Variants in NPAS2 observed in about 807,000 individuals in gnomAD.
NPAS2 encodes the protein neuronal PAS domain protein 2.
Under a neutral mutation model 107.5 loss-of-function variants are expected in NPAS2, and 23 were observed. That is an observed-to-expected ratio of 0.21 (90% CI 0.15 to 0.30). The LOEUF is 0.30. Among genes scored for constraint, NPAS2 ranks in the 10% least tolerant of loss-of-function variants. The pLI, the probability that NPAS2 is intolerant of heterozygous loss-of-function variation, is 1.00. For synonymous variants in NPAS2, 403 were observed against 417.5 expected (o/e 0.97, Z 0.42); for missense variants, 756 against 1,043.3 (o/e 0.72, Z 3.79).
rs555047295 is a variant in NPAS2 at position 100,993,544 on chromosome 2, A to AG, written c.2292+22dup. On this transcript the variant is annotated intron_variant, in intron 20 of 20. Transcript: ENST00000335681. ...TACCTGCAGGTGGGTGCCACGGCCC[A>AG]GGGGGCCCCCGTGCAGGCCTGGGAG... 7,460 of 1,510,440 alleles carry AG rather than the reference A, an allele frequency of 4.9e-3. 22 individuals are homozygous for AG. The highest frequency in any genetic ancestry group is 6.1e-3 in the Non-Finnish European group (6,887 of 1,124,744). 93.6% of individuals were successfully genotyped at this position (1,510,440 alleles called of 1,614,324 possible). A position where few individuals can be genotyped will look rare whatever the true frequency, so the allele number is the denominator to read the frequency against.
chr2:100,882,382 G>T (rs938903133), intron 1 of NPAS2, among the ~76,000 whole-genome samples: 1 of 152,112 alleles, frequency 6.6e-6, no homozygotes, highest in Non-Finnish European at 1.5e-5. Context: ...GGCCAAGGTG[G>T]GCGGATCACA....
intron 12 of NPAS2, 95 bp downstream of exon 12, chr2:100,971,169 G>A (rs1676525408): frequency 8.4e-7 from 1 of 1,190,654 alleles, no homozygotes; most frequent in Non-Finnish European, 1.2e-6. Flanking sequence ...TTTCATCAAT[G>A]GAAGGGTACA....
chr2:100,954,138 C>A (rs1428978744), intron 7 of NPAS2, among the ~76,000 whole-genome samples: 2 of 152,152 alleles, frequency 1.3e-5, no homozygotes, highest in Non-Finnish European at 2.9e-5. Flanking sequence ...GAGGGAGGAG[C>A]TGTCCCTAAT....
chr2:100,900,441 C>CATGTTAGAATGGAGTACAA (rs905413684), intron 1 of NPAS2, among the ~76,000 whole-genome samples: 2 of 152,190 alleles, frequency 1.3e-5, no homozygotes, highest in African/African-American at 4.8e-5. Flanking sequence ...AATGGAGCCA[C>CATGTTAGAATGGAGTACAA]TGGAACTCCT....
chr2:100,908,527 G>C (rs898511171), intron 2 of NPAS2, among the ~76,000 whole-genome samples: 34 of 152,140 alleles, frequency 2.2e-4, no homozygotes, highest in Non-Finnish European at 4.4e-4. Context: ...GTAAATGGAA[G>C]CCGCTCCTTT....
intron 2 of NPAS2, among the ~76,000 whole-genome samples, chr2:100,917,737 C>T (rs934375819): frequency 5.3e-5 from 8 of 152,164 alleles, no homozygotes; most frequent in Admixed American, 3.9e-4. Flanking sequence ...TTAAAAACCA[C>T]GACTACCAAA....
chr2:100,868,114 C>A (rs997760163), intron 1 of NPAS2, among the ~76,000 whole-genome samples: 1 of 152,126 alleles, frequency 6.6e-6, no homozygotes, highest in Non-Finnish European at 1.5e-5. Flanking sequence ...TTTTGTCTTG[C>A]CTCTCAAAAT....
chr2:100,925,589 A>G (rs537264402), intron 3 of NPAS2, among the ~76,000 whole-genome samples: 1 of 152,206 alleles, frequency 6.6e-6, no homozygotes, highest in Non-Finnish European at 1.5e-5. Flanking sequence ...ATCTTGATCA[A>G]AAATCCCTGG....
chr2:100,890,746 T>C (rs745603123), intron 1 of NPAS2, among the ~76,000 whole-genome samples: 14 of 152,016 alleles, frequency 9.2e-5, no homozygotes, highest in Non-Finnish European at 1.6e-4. Context: ...ATCTAATACA[T>C]CATAAGAGAG....
chr2:100,965,514 A>G lies in NPAS2; in HGVS notation c.801-146A>G, dbSNP rs4851392. 445,060 of 577,838 alleles carry G rather than the reference A, an allele frequency of 0.77. 173,438 individuals are homozygous for G. The highest frequency in any genetic ancestry group is 0.95 in the African/African-American group (50,573 of 53,012). The allele number at this position is 577,838 out of a possible 1,614,324, so 35.8% of individuals were successfully genotyped here. On this transcript the variant is annotated intron_variant, in intron 9 of 20. Transcript: ENST00000335681. The surrounding 1 kb of genome is among the most constrained non-coding windows in gnomAD (Gnocchi z 4.3). ...CCCTTTGGAAAACACAGCCTCTCTG[A>G]TTTTGACCATTACAAAGTTATTTTT...
At chr2:100,857,376 G>C (rs1043896899) in intron 1 of NPAS2, among the ~76,000 whole-genome samples, 1 of 151,944 alleles carries the variant, frequency 6.6e-6, no homozygotes, top group Non-Finnish European at 1.5e-5. Flanking sequence ...CATTTGCTGA[G>C]CCCTTCCATA....
chr2:100,943,042 G>A (rs373532080), intron 5 of NPAS2, among the ~76,000 whole-genome samples: 3 of 152,192 alleles, frequency 2.0e-5, no homozygotes, highest in African/African-American at 4.8e-5. Context: ...CCTGATGAAC[G>A]TTTGCAAGCA....
intron 1 of NPAS2, among the ~76,000 whole-genome samples, chr2:100,888,038 T>G (rs988738436): frequency 1.3e-5 from 2 of 152,188 alleles, no homozygotes; most frequent in Non-Finnish European, 2.9e-5. Context: ...CTTTTTGCCC[T>G]TAGTCTGCAG....
rs538139258 is a variant in NPAS2, at chr2:100,968,693, C to T, written c.1055+265C>T. ...CCCCTTTGAACGCCTCATGGACTCT[C>T]GCAGGCTGCCAGGATATTACTTAGT... On this transcript the variant is annotated intron_variant, in intron 11 of 20. Coordinates refer to ENST00000335681, the MANE Select transcript of NPAS2 (RefSeq NM_002518.4). The surrounding 1 kb of genome is among the most constrained non-coding windows in gnomAD (Gnocchi z 5.3). 4.6e-5 allele frequency among the ~76,000 whole-genome samples: 7 copies of T among 152,268 alleles called. No individual in the cohort carries two copies. In the East Asian group the frequency reaches 5.8e-4, roughly 13 times the overall value.
At position 100,820,568 on chromosome 2, in the gene NPAS2, C is replaced by G. The variant is rs951165251; in HGVS notation, c.-23+154C>G. On this transcript the variant is annotated intron_variant, in intron 1 of 20. Transcript: ENST00000335681. This position sits in a 1 kb window ranked among gnomAD's most constrained non-coding sequence, Gnocchi z 5.6. The stretch of plus-strand genomic sequence containing the variant: ...GCTGCGCGGCACCGGGGACCCCGGA[C>G]GCGGGGGCGCGGAGAGGTGGGTTCC... Among the ~76,000 whole-genome samples, 62 of 151,944 alleles carry G rather than the reference C, an allele frequency of 4.1e-4. No homozygotes were observed. Among genetic ancestry groups the G allele is most frequent in the African/African-American group, 1.5e-3 (62 of 41,422 alleles).
At chr2:100,982,170 T>C in intron 15 of NPAS2, 61 bp from the exon 16 acceptor site, 1 of 1,595,100 alleles carries the variant, frequency 6.3e-7, no homozygotes, top group South Asian at 1.1e-5. Flanking sequence ...AGCAGCAAGA[T>C]CTGCCTGCAA....
intron 15 of NPAS2, among the ~76,000 whole-genome samples, chr2:100,979,585 C>T (rs1362554129): frequency 7.0e-6 from 1 of 142,174 alleles, no homozygotes; most frequent in African/African-American, 2.6e-5. Context: ...ACCATCTTGG[C>T]TCACTGCAAC....
chr2:100,886,973 A>G (rs79067570), intron 1 of NPAS2, among the ~76,000 whole-genome samples: 7 of 152,200 alleles, frequency 4.6e-5, no homozygotes, highest in Non-Finnish European at 1.0e-4. Flanking sequence ...CTTCTAATAC[A>G]TTTGTTATAA....
intron 1 of NPAS2, chr2:100,877,987 A>C (rs1680092468): frequency 1.0e-6 from 1 of 985,312 alleles, no homozygotes; most frequent in Admixed American, 6.1e-5. Context: ...TGGGGCCTGC[A>C]GAATTTATCA....
Sources: gnomAD v4.1 joint callset for allele counts (sites outside exome capture counted in the v4.1 genomes callset) on GRCh38, gnomAD v4.1.1 for gene constraint, Gnocchi (gnomAD v3.1) non-coding constraint, MANE v1.5 for transcripts, NCBI Gene and HGNC (gene_info 2026-07-23, HGNC 2026-07-21) for gene names.